Variants in ADGRL2 observed in about 807,000 individuals in gnomAD.
ADGRL2 encodes the protein adhesion G protein-coupled receptor L2.
ADGRL2 carries 44 observed loss-of-function variants against 157.4 expected under a neutral mutation model. The ratio of observed to expected loss-of-function variants is 0.28; its 90% confidence interval spans 0.22 to 0.36. The LOEUF is 0.36. ADGRL2 is among the 10% of genes least tolerant of loss of function. ADGRL2 has a pLI of 1.00. For missense variants in ADGRL2, 1,510 were observed against 1,768.9 expected (o/e 0.85, Z 2.63); for synonymous variants, 585 against 624.7 (o/e 0.94, Z 0.95).
At chr1:81,887,845 C>A (rs1229253775) in intron 2 of ADGRL2, among the ~76,000 whole-genome samples, 1 of 152,156 alleles carries the variant, frequency 6.6e-6, no homozygotes, top group African/African-American at 2.4e-5. Flanking sequence ...TTGCTGAGAG[C>A]ATATCAAACA....
In ADGRL2 at chr1:81,747,378, G is replaced by A. The variant is rs554026227; in HGVS notation, c.-142-14433G>A. 1.6e-3 allele frequency among the ~76,000 whole-genome samples: 247 copies of A among 150,760 alleles called. 2 individuals are homozygous for A. Among genetic ancestry groups the A allele is most frequent in the Non-Finnish European group, 2.5e-3 (168 of 67,790 alleles). On this transcript the variant is annotated intron_variant, in intron 1 of 20. Transcript: ENST00000359929. ...TGCAATGGTGTGATCTCAGCTCACTGCAACCTCTGCCTCCCAGGTTCAAGG... is the reference window on the plus strand; with the variant it reads ...TGCAATGGTGTGATCTCAGCTCACTACAACCTCTGCCTCCCAGGTTCAAGG...
At chr1:81,848,740 C>T (rs556036175) in intron 2 of ADGRL2, among the ~76,000 whole-genome samples, 21 of 151,992 alleles carry the variant, frequency 1.4e-4, no homozygotes, top group African/African-American at 4.6e-4. Context: ...AAGTTTACAG[C>T]CATAAGCATA....
intron 1 of ADGRL2, among the ~76,000 whole-genome samples, chr1:81,358,890 G>A (rs191516623): frequency 2.6e-5 from 4 of 152,140 alleles, no homozygotes; most frequent in Admixed American, 2.0e-4. Flanking sequence ...GATCTACTCC[G>A]TAGGATGAAG....
chr1:81,480,510 T>C (rs2078362425), intron 2 of ADGRL2, among the ~76,000 whole-genome samples: 1 of 151,898 alleles, frequency 6.6e-6, no homozygotes, highest in Admixed American at 6.5e-5. Flanking sequence ...TTTCAGAACA[T>C]ATAGCATAAG....
chr1:81,793,614 A>T (rs1246417508), intron 2 of ADGRL2, among the ~76,000 whole-genome samples: 1 of 152,072 alleles, frequency 6.6e-6, no homozygotes, highest in Admixed American at 6.5e-5. Context: ...ATAAGCTGTA[A>T]ATATTCTTAA....
At chr1:81,704,303 T>C (rs1008540123) in intron 1 of ADGRL2, among the ~76,000 whole-genome samples, 3 of 152,222 alleles carry the variant, frequency 2.0e-5, no homozygotes, top group African/African-American at 7.2e-5. Context: ...TTAGGATAGG[T>C]GCATTCTTAG....
At chr1:81,874,630 TTGTCTTGTCCTGTCCTGTCC>T (rs201099719) in intron 2 of ADGRL2, among the ~76,000 whole-genome samples, 5 of 33,764 alleles carry the variant, frequency 1.5e-4, no homozygotes, top group East Asian at 0.018. Flanking sequence ...TTGTCTTGTC[TTGTCTTGTCCTGTCCTGTCC>T]TGTCCTGTCC....
At chr1:81,734,299 A>G (rs1404915116) in intron 1 of ADGRL2, among the ~76,000 whole-genome samples, 1 of 151,802 alleles carries the variant, frequency 6.6e-6, no homozygotes, top group African/African-American at 2.4e-5. Context: ...AAAGTTAAAA[A>G]ACATTTCTTT....
intron 1 of ADGRL2, among the ~76,000 whole-genome samples, chr1:81,756,457 G>A (rs943606922): frequency 6.6e-6 from 1 of 152,132 alleles, no homozygotes; most frequent in Non-Finnish European, 1.5e-5. Flanking sequence ...CCCAATGAGG[G>A]ATATCATGGT....
chr1:81,484,074 A>G (rs900681648), intron 2 of ADGRL2, among the ~76,000 whole-genome samples: 2 of 152,132 alleles, frequency 1.3e-5, no homozygotes, highest in Admixed American at 6.5e-5. Context: ...CACCAGATGT[A>G]CATATACCTT....
intron 1 of ADGRL2, among the ~76,000 whole-genome samples, chr1:81,349,018 C>T (rs1183308017): frequency 6.6e-6 from 1 of 152,188 alleles, no homozygotes; most frequent in Non-Finnish European, 1.5e-5. Flanking sequence ...GATTCAGTCA[C>T]ACTGATTTTT....
At chr1:81,787,527 C>T (rs373412956) in intron 2 of ADGRL2, among the ~76,000 whole-genome samples, 24 of 152,004 alleles carry the variant, frequency 1.6e-4, no homozygotes, top group African/African-American at 4.6e-4. Flanking sequence ...TGGTGGCACA[C>T]GCTTGTAATC....
chr1:81,761,717 T>G (rs1463588152), intron 1 of ADGRL2: 1 of 152,058 alleles, frequency 6.6e-6, no homozygotes, highest in Non-Finnish European at 1.5e-5. Flanking sequence ...TAGATTTACT[T>G]TATTTTTGTT....
intron 1 of ADGRL2, among the ~76,000 whole-genome samples, chr1:81,343,065 T>A (rs1662192343): frequency 6.7e-6 from 1 of 149,800 alleles, no homozygotes; most frequent in Admixed American, 6.7e-5. Flanking sequence ...TTCTCTTTTT[T>A]TCTTTTCTTT....
At chr1:81,863,969 C>T (rs576563943) in intron 2 of ADGRL2, among the ~76,000 whole-genome samples, 15 of 152,214 alleles carry the variant, frequency 9.9e-5, no homozygotes, top group Middle Eastern at 3.4e-3. Flanking sequence ...AAAATAATTA[C>T]AATTTTCTGA....
chr1:81,904,569 A>G lies in ADGRL2; in HGVS notation c.74-2448A>G, dbSNP rs191542734. Among the ~76,000 whole-genome samples the G allele has an allele frequency of 6.5e-4, 99 of 152,290 alleles. 2 individuals are homozygous for G. Among genetic ancestry groups the G allele is most frequent in the African/African-American group, 2.3e-3 (96 of 41,564 alleles). ...GGTTGAAAAGTGGAAGGACAAGGGAATGCAAAAAACTAATTAATTCCTTTG... is the reference window on the plus strand; with the variant it reads ...GGTTGAAAAGTGGAAGGACAAGGGAGTGCAAAAAACTAATTAATTCCTTTG... On this transcript the variant is annotated intron_variant, in intron 2 of 23. Coordinates refer to ENST00000686636, the MANE Select transcript of ADGRL2 (RefSeq NM_001366006.2).
chr1:81,659,996 CAAATTTG>C (rs2082619442), intron 3 of ADGRL2, among the ~76,000 whole-genome samples: 1 of 152,138 alleles, frequency 6.6e-6, no homozygotes, highest in Admixed American at 6.5e-5. Context: ...CCCCAAATGC[CAAATTTG>C]ATCACTATTT....
intron 1 of ADGRL2, among the ~76,000 whole-genome samples, chr1:81,324,916 A>G (rs1008074692): frequency 6.6e-6 from 1 of 151,878 alleles, no homozygotes; most frequent in Non-Finnish European, 1.5e-5. Flanking sequence ...GGGGTTTTAC[A>G]GTGTTGGCTA....
intron 2 of ADGRL2, among the ~76,000 whole-genome samples, chr1:81,765,316 A>G (rs551983338): frequency 2.0e-5 from 3 of 152,128 alleles, no homozygotes; most frequent in African/African-American, 4.8e-5. Context: ...TTAGTCCAAC[A>G]TATCATGACA....
Sources: gnomAD v4.1 joint callset for allele counts (sites outside exome capture counted in the v4.1 genomes callset) on GRCh38, gnomAD v4.1.1 for gene constraint, MANE v1.5 for transcripts, NCBI Gene and HGNC (gene_info 2026-07-23, HGNC 2026-07-21) for gene names.